Variants in PCGF5 observed in about 807,000 individuals in gnomAD.
PCGF5 encodes the protein polycomb group RING finger protein 5.
Under a neutral mutation model 44.3 loss-of-function variants are expected in PCGF5, and 9 were observed. That is an observed-to-expected ratio of 0.20 (90% CI 0.12 to 0.35). PCGF5 has a LOEUF of 0.35. Among genes scored for constraint, PCGF5 ranks in the 10% least tolerant of loss-of-function variants. The pLI, the probability that PCGF5 is intolerant of heterozygous loss-of-function variation, is 1.00. For missense variants in PCGF5, 146 were observed against 305.3 expected, an observed-to-expected ratio of 0.48 and a Z score of 3.89; for synonymous variants, 95 against 102.5, an observed-to-expected ratio of 0.93 and a Z score of 0.44.
upstream of PCGF5, chr10:91,162,993 G>C (rs1194460972): frequency 1.4e-5 from 2 of 144,804 alleles, no homozygotes; most frequent in South Asian, 2.1e-4. Context: ...CCGCCGGCGC[G>C]GGCTCCCTCA....
chr10:91,168,641 A>C (rs1252124970), intron 1 of PCGF5, among the ~76,000 whole-genome samples: 2 of 152,236 alleles, frequency 1.3e-5, no homozygotes, highest in East Asian at 3.9e-4. Flanking sequence ...TCTTAAAAAC[A>C]AAACCGGCAG....
intron 1 of PCGF5, among the ~76,000 whole-genome samples, chr10:91,211,097 ATCT>A (rs980105801): frequency 9.7e-4 from 147 of 152,276 alleles, no homozygotes; most frequent in Middle Eastern, 6.8e-3. Context: ...TTTATTTCCC[ATCT>A]TATCAGCTTT....
chr10:91,195,461 TATATGCATGCATATATATATATATAGAG>T (rs1564630579), intron 1 of PCGF5, among the ~76,000 whole-genome samples: 55 of 125,998 alleles, frequency 4.4e-4, no homozygotes, highest in African/African-American at 1.6e-3. Flanking sequence ...TGCATATATA[TATATGCATGCATATATATATATATAGAG>T]AGAGAGAGAG....
intron 8 of PCGF5, among the ~76,000 whole-genome samples, chr10:91,268,140 T>G (rs941041062): frequency 6.6e-6 from 1 of 152,028 alleles, no homozygotes; most frequent in Non-Finnish European, 1.5e-5. Flanking sequence ...TCCTAGACAT[T>G]GTTTTGTTCT....
At chr10:91,231,555 A>T (rs1438372239) in intron 2 of PCGF5, among the ~76,000 whole-genome samples, 5 of 152,164 alleles carry the variant, frequency 3.3e-5, no homozygotes, top group African/African-American at 1.2e-4. Flanking sequence ...TTGAGAAATG[A>T]CCTGAGGCCC....
intron 1 of PCGF5, among the ~76,000 whole-genome samples, chr10:91,188,630 G>A (rs781670160): frequency 6.6e-6 from 1 of 151,968 alleles, no homozygotes; most frequent in Non-Finnish European, 1.5e-5. Context: ...CATGGCCACC[G>A]CCTTCATTTG....
Position 91,170,989 on chromosome 10 carries a change from C to G in PCGF5, c.-184+7908C>G, listed in dbSNP as rs899849051. 7.9e-5 allele frequency among the ~76,000 whole-genome samples: 12 copies of G among 152,188 alleles called. 1 individual carries two copies. Among genetic ancestry groups the G allele is most frequent in the Non-Finnish European group, 1.5e-5 (1 of 68,034 alleles). ...ATATTCCTAAGTCAAAGAAGCCAAT[C>G]TGAAAAAGCTTCATACTGTGTGATT... is the stretch of plus-strand genomic sequence containing the variant. On this transcript the variant is annotated intron_variant, in intron 1 of 9. Coordinates refer to the PCGF5 transcript ENST00000614189.
chr10:91,163,270 G>A (rs1843425109), intron 1 of PCGF5, among the ~76,000 whole-genome samples: 1 of 150,866 alleles, frequency 6.6e-6, no homozygotes, highest in African/African-American at 2.4e-5. Context: ...GCGGGCCGGT[G>A]GGCGGCGCGG....
intron 2 of PCGF5, 78 bp from the exon 3 acceptor site, chr10:91,240,406 G>T (rs1339686050): frequency 2.2e-6 from 2 of 928,556 alleles, no homozygotes; most frequent in Non-Finnish European, 1.7e-6. Context: ...TTTAAGGTCT[G>T]TTTCTAATTA....
intron 1 of PCGF5, among the ~76,000 whole-genome samples, chr10:91,173,937 T>C (rs1258469145): frequency 6.6e-6 from 1 of 151,920 alleles, no homozygotes; most frequent in Non-Finnish European, 1.5e-5. Context: ...TCTTTAGAAG[T>C]AAAACAGCTA....
chr10:91,216,529 C>T (rs1844543491), upstream of PCGF5, among the ~76,000 whole-genome samples: 1 of 152,148 alleles, frequency 6.6e-6, no homozygotes, highest in Non-Finnish European at 1.5e-5. Context: ...CAGAGAGCAG[C>T]ATGACCCTCA....
chr10:91,256,938 CAAAAG>C (rs1319538843), intron 6 of PCGF5, among the ~76,000 whole-genome samples: 1 of 151,832 alleles, frequency 6.6e-6, no homozygotes, highest in Non-Finnish European at 1.5e-5. Context: ...GCACAAGCAA[CAAAAG>C]AAAAGAAATA....
chr10:91,189,396 G>A (rs1259641009), intron 1 of PCGF5, among the ~76,000 whole-genome samples: 1 of 152,132 alleles, frequency 6.6e-6, no homozygotes, highest in Non-Finnish European at 1.5e-5. Context: ...TTACAACATG[G>A]TGCCTGGTAC....
At position 91,167,329 on chromosome 10, in the gene PCGF5, T is replaced by C. The variant is rs148262261; in HGVS notation, c.-184+4248T>C. ...TTCTTTAAGAGGCTTAAGAGTCATG[T>C]AGAGCACATAAGACAGATAACTAAA... On this transcript the variant is annotated intron_variant, in intron 1 of 9. Transcript: ENST00000614189. 3.8e-3 allele frequency among the ~76,000 whole-genome samples: 580 copies of C among 152,318 alleles called. 3 individuals carry two copies. The highest frequency in any genetic ancestry group is 7.2e-3 in the Non-Finnish European group (490 of 68,030).
intron 1 of PCGF5, among the ~76,000 whole-genome samples, chr10:91,164,338 G>A (rs191759489): frequency 1.5e-3 from 226 of 152,290 alleles, no homozygotes; most frequent in African/African-American, 5.3e-3. Context: ...GGGGGTCAGG[G>A]TCCACACATT....
At chr10:91,166,963 C>G (rs1250637056) in intron 1 of PCGF5, among the ~76,000 whole-genome samples, 1 of 152,092 alleles carries the variant, frequency 6.6e-6, no homozygotes, top group Admixed American at 6.6e-5. Context: ...TTTTTTCAAT[C>G]GGAGAATAGG....
intron 3 of PCGF5, among the ~76,000 whole-genome samples, chr10:91,241,242 T>C (rs375587789): frequency 1.3e-5 from 2 of 152,058 alleles, no homozygotes; most frequent in East Asian, 3.9e-4. Context: ...ATTAATTTTG[T>C]ATTTTTAGTA....
chr10:91,187,077 C>G (rs966988438), intron 1 of PCGF5, among the ~76,000 whole-genome samples: 3 of 152,156 alleles, frequency 2.0e-5, no homozygotes, highest in African/African-American at 7.2e-5. Context: ...GGAGATGCAA[C>G]TGGTCTGCAG....
upstream of PCGF5, among the ~76,000 whole-genome samples, chr10:91,219,284 G>A (rs550101437): frequency 1.3e-5 from 2 of 152,054 alleles, no homozygotes; most frequent in Non-Finnish European, 2.9e-5. Context: ...CTGATTAACC[G>A]CACTTGTGAT....
Sources: gnomAD v4.1 joint callset for allele counts (sites outside exome capture counted in the v4.1 genomes callset) on GRCh38, gnomAD v4.1.1 for gene constraint, MANE v1.5 for transcripts, NCBI Gene and HGNC (gene_info 2026-07-23, HGNC 2026-07-21) for gene names.